Variants in ZFHX3 observed in about 807,000 individuals in gnomAD.
ZFHX3 encodes zinc finger homeobox protein 3.
ZFHX3 carries 42 observed loss-of-function variants against 279.1 expected under a neutral mutation model. The observed-to-expected ratio is 0.15, with a 90% CI of 0.12 to 0.19. The LOEUF (loss-of-function observed/expected upper bound fraction) is 0.19. Ranked by LOEUF, ZFHX3 falls within the 10% of genes least tolerant of loss-of-function variation. The pLI, the probability that ZFHX3 is intolerant of heterozygous loss-of-function variation, is 1.00. For missense variants in ZFHX3, 4,981 were observed against 4,754.0 expected, an observed-to-expected ratio of 1.05 and a Z score of -1.40; for synonymous variants, 2,293 against 1,957.8, an observed-to-expected ratio of 1.17 and a Z score of -4.52.
intron 2 of ZFHX3, chr16:73,558,252 A>AT (rs1414803335): frequency 6.6e-6 from 1 of 152,144 alleles, no homozygotes; most frequent in Non-Finnish European, 1.5e-5. Context: ...TCTGATCTTT[A>AT]TTTTCCATTT....
At position 72,858,120 on chromosome 16, in the gene ZFHX3, C is replaced by T. The variant is rs553461315; in HGVS notation, c.3449-28261G>A. Among the ~76,000 whole-genome samples the T allele has an allele frequency of 1.1e-3, 168 of 152,322 alleles. 1 individual carries two copies. The highest frequency in any genetic ancestry group is 2.1e-3 in the Non-Finnish European group (144 of 68,022). ...GGTGGGCTTGCTTCCCTTGGTGCCC[C>T]CATCCCATACCCTAAAAACTAACAA... On this transcript the variant is annotated intron_variant, in intron 4 of 9. Coordinates refer to ENST00000268489, the MANE Select transcript of ZFHX3 (RefSeq NM_006885.4).
chr16:73,406,567 C>T (rs534105810), intron 3 of ZFHX3, among the ~76,000 whole-genome samples: 1 of 152,308 alleles, frequency 6.6e-6, no homozygotes, highest in African/African-American at 2.4e-5. Context: ...GTATGGAATG[C>T]TATAAATTCT....
At chr16:73,749,142 C>T (rs2053733178) in intron 1 of ZFHX3, among the ~76,000 whole-genome samples, 1 of 152,118 alleles carries the variant, frequency 6.6e-6, no homozygotes, top group Non-Finnish European at 1.5e-5. Flanking sequence ...ACACTAGATC[C>T]CGCCATATTG....
At chr16:73,307,499 A>G (rs973159668) in intron 4 of ZFHX3, among the ~76,000 whole-genome samples, 4 of 152,214 alleles carry the variant, frequency 2.6e-5, no homozygotes, top group African/African-American at 4.8e-5. Context: ...CTGCAAAAAC[A>G]TATTCTAGGA....
chr16:72,794,432 C>A lies in ZFHX3; in HGVS notation c.8250G>T (p.Met2750Ile). Residue 2750 changes from methionine (M) to isoleucine (I), a missense_variant, in exon 9 of 10, where the codon ATG becomes ATT. Met to Ile is a conservative substitution (Grantham distance 10). This residue lies in a region of ZFHX3 where 744 missense variants were observed against 701.3 expected (regional missense o/e 1.06). Transcript: ENST00000268489. The surrounding 1 kb of genome is among the most constrained non-coding windows in gnomAD (Gnocchi z 4.2). ...RAGYNLTLSA[M>I]LLDCDGGLQM... ...GGAGTCCCCCATCACAGTCTAAGAG[C>A]ATCGCAGACAGAGTTAGGTTGTAGC... 1 of 1,613,568 alleles carries A rather than the reference C, an allele frequency of 6.2e-7. No individual in the cohort carries two copies. The highest frequency in any genetic ancestry group is 8.5e-7 in the Non-Finnish European group (1 of 1,179,776).
intron 7 of ZFHX3, among the ~76,000 whole-genome samples, chr16:73,126,455 C>A (rs183811359): frequency 3.4e-4 from 51 of 152,112 alleles, no homozygotes; most frequent in Middle Eastern, 6.8e-3. Context: ...CAAGCGGGGA[C>A]TGAAGAAACA....
rs866950950 is a variant in ZFHX3 at position 73,819,642 on chromosome 16, A to G, written c.-1608+72009T>C. 2.6e-5 allele frequency among the ~76,000 whole-genome samples: 4 copies of G among 152,152 alleles called. No homozygotes were observed. The South Asian group carries it at 6.2e-4, about 24-fold the overall frequency. ...AAGAGACTTCCGAGAACTAAAAATTATTGTGTATAAGTCAACAGGAGAGGG... is the reference window on the plus strand; with the variant it reads ...AAGAGACTTCCGAGAACTAAAAATTGTTGTGTATAAGTCAACAGGAGAGGG... On this transcript the variant is annotated intron_variant, in intron 1 of 17. Coordinates refer to the ZFHX3 transcript ENST00000641206.
chr16:73,160,240 G>A lies in ZFHX3; in HGVS notation c.-1103-16409C>T, dbSNP rs142445387. Among the ~76,000 whole-genome samples, 1,169 of 152,272 alleles carry A rather than the reference G, an allele frequency of 7.7e-3. 10 individuals carry two copies. Among genetic ancestry groups the A allele is most frequent in the South Asian group, 0.022 (105 of 4,818 alleles). On this transcript the variant is annotated intron_variant, in intron 5 of 17. Transcript: ENST00000641206. Reference sequence around the variant, plus strand: ...AATTTCTGGACACATGTACCCTTCTGATGCTGAAGCAGGAAGAAATTGATT... The same window carrying A: ...AATTTCTGGACACATGTACCCTTCTAATGCTGAAGCAGGAAGAAATTGATT...
At chr16:73,498,899 T>C (rs1240771430) in intron 2 of ZFHX3, among the ~76,000 whole-genome samples, 1 of 152,160 alleles carries the variant, frequency 6.6e-6, no homozygotes, top group Non-Finnish European at 1.5e-5. Flanking sequence ...GCTTCGGTTC[T>C]GATGTGGGAG....
At chr16:73,836,747 A>G (rs577193109) in intron 1 of ZFHX3, among the ~76,000 whole-genome samples, 1 of 152,180 alleles carries the variant, frequency 6.6e-6, no homozygotes, top group Non-Finnish European at 1.5e-5. Flanking sequence ...TCACGATGAA[A>G]CTTAATTGCC....
rs1597339247 is a variant in ZFHX3, at chr16:73,447,822, A to C, written c.-1291+8181T>G. 2.0e-5 allele frequency among the ~76,000 whole-genome samples: 3 copies of C among 152,204 alleles called. 1 individual carries two copies. The South Asian group carries it at 6.2e-4, about 32-fold the overall frequency. ...AAGAACAAAATAAATAACAGCATGA[A>C]GGGAACTCTATTTTTAATAATGGCA... On this transcript the variant is annotated intron_variant, in intron 3 of 17. Transcript: ENST00000641206.
At chr16:72,903,902 C>G (rs1398224187) in intron 3 of ZFHX3, among the ~76,000 whole-genome samples, 1 of 152,210 alleles carries the variant, frequency 6.6e-6, no homozygotes, top group Non-Finnish European at 1.5e-5. Context: ...GTCCCCAAGC[C>G]CCAGGCTCCA....
At chr16:73,679,162 C>G (rs1202238900) in intron 2 of ZFHX3, among the ~76,000 whole-genome samples, 3 of 151,516 alleles carry the variant, frequency 2.0e-5, no homozygotes, top group African/African-American at 7.3e-5. Context: ...CTCTCATTTC[C>G]AAAATATTTT....
upstream of ZFHX3, among the ~76,000 whole-genome samples, chr16:73,064,111 A>G (rs1429397804): frequency 3.9e-5 from 6 of 152,042 alleles, no homozygotes; most frequent in Non-Finnish European, 2.9e-5. Context: ...AAGAAAAAGG[A>G]GTTTTTTGGT....
At chr16:73,883,241 A>T (rs1331621913) in intron 1 of ZFHX3, among the ~76,000 whole-genome samples, 1 of 152,150 alleles carries the variant, frequency 6.6e-6, no homozygotes, top group African/African-American at 2.4e-5. Context: ...GAAACTCTAC[A>T]TACATAACAA....
At chr16:73,126,000 G>T (rs1259180983) in intron 7 of ZFHX3, among the ~76,000 whole-genome samples, 1 of 152,062 alleles carries the variant, frequency 6.6e-6, no homozygotes, top group East Asian at 1.9e-4. Context: ...TTCAAAGAGG[G>T]TGTGGGACAC....
intron 1 of ZFHX3, among the ~76,000 whole-genome samples, chr16:73,722,785 A>C (rs943926425): frequency 6.6e-6 from 1 of 152,198 alleles, no homozygotes; most frequent in African/African-American, 2.4e-5. Context: ...AGAGATCCCA[A>C]ATCTCTCTGG....
chr16:73,716,522 C>T (rs985586726), intron 1 of ZFHX3, among the ~76,000 whole-genome samples: 2 of 152,062 alleles, frequency 1.3e-5, no homozygotes, highest in Non-Finnish European at 2.9e-5. Context: ...GGACCTCCCA[C>T]CTCTCAAGGA....
chr16:73,037,355 T>G (rs8049950), intron 1 of ZFHX3, among the ~76,000 whole-genome samples: 151,535 of 152,292 alleles, frequency 1, 75,391 homozygotes, highest in East Asian at 1. Flanking sequence ...TCAGAGGAGA[T>G]ATGAAATGTC....
Sources: allele counts gnomAD v4.1 joint callset (sites outside exome capture counted in the v4.1 genomes callset), GRCh38; gene constraint gnomAD v4.1.1; regional missense constraint gnomAD v4.1.1; non-coding constraint Gnocchi (gnomAD v3.1); transcripts MANE v1.5; gene names NCBI Gene and HGNC (gene_info 2026-07-23, HGNC 2026-07-21).